Variants in UBXN2B observed in about 807,000 individuals in gnomAD.
The protein encoded by UBXN2B is UBX domain protein 2B, also known as UBX domain-containing protein 2B.
UBXN2B carries 19 observed loss-of-function variants against 37.5 expected under a neutral mutation model. That is an observed-to-expected ratio of 0.51 (90% CI 0.35 to 0.74). UBXN2B has a LOEUF of 0.74. UBXN2B is among the 30% of genes least tolerant of loss of function. UBXN2B has a pLI of 0.01. For missense variants in UBXN2B, 370 were observed against 393.2 expected, an observed-to-expected ratio of 0.94 and a Z score of 0.50; for synonymous variants, 145 against 143.8, an observed-to-expected ratio of 1.01 and a Z score of -0.06.
chr8:58,441,348 C>CATATATGTATATATATATATATAT (rs1808539048), intron 6 of UBXN2B, among the ~76,000 whole-genome samples: 1 of 104,660 alleles, frequency 9.6e-6, no homozygotes, highest in African/African-American at 4.0e-5. Flanking sequence ...TTGTGATCAA[C>CATATATGTATATATATATATATAT]ATATATATAT....
At chr8:58,429,059 A>G (rs1417993675) in intron 2 of UBXN2B, among the ~76,000 whole-genome samples, 3 of 152,228 alleles carry the variant, frequency 2.0e-5, no homozygotes, top group Non-Finnish European at 4.4e-5. Context: ...GATTTCAAAT[A>G]ATAAAAACCG....
At chr8:58,417,795 A>C (rs1165985719) in intron 2 of UBXN2B, among the ~76,000 whole-genome samples, 1 of 152,208 alleles carries the variant, frequency 6.6e-6, no homozygotes, top group Non-Finnish European at 1.5e-5. Context: ...TGTTACATTG[A>C]ACTTGTGCAC....
intron 5 of UBXN2B, among the ~76,000 whole-genome samples, chr8:58,437,221 C>A (rs2129604414): frequency 6.6e-6 from 1 of 151,830 alleles, no homozygotes; most frequent in East Asian, 1.9e-4. Flanking sequence ...TTGTTACACC[C>A]TAGCAAAGGA....
chr8:58,444,076 T>G (rs1808615599), intron 6 of UBXN2B, among the ~76,000 whole-genome samples: 1 of 152,218 alleles, frequency 6.6e-6, no homozygotes, highest in Admixed American at 6.5e-5. Context: ...TTCCCCATCC[T>G]CCATTTTCTG....
chr8:58,417,024 T>C (rs1254566380), intron 2 of UBXN2B, 71 bp downstream of exon 2: 1 of 1,225,740 alleles, frequency 8.2e-7, no homozygotes, highest in African/African-American at 1.5e-5. Flanking sequence ...CTTCAAATTA[T>C]TTTAAATGGC....
At chr8:58,428,584 A>G (rs950928480) in intron 2 of UBXN2B, among the ~76,000 whole-genome samples, 1 of 152,176 alleles carries the variant, frequency 6.6e-6, no homozygotes, top group Non-Finnish European at 1.5e-5. Flanking sequence ...GGCCCAGCTG[A>G]GTACTAATTC....
At chr8:58,424,086 A>G (rs1264018420) in intron 2 of UBXN2B, among the ~76,000 whole-genome samples, 1 of 152,176 alleles carries the variant, frequency 6.6e-6, no homozygotes, top group Non-Finnish European at 1.5e-5. Context: ...AGCCATCAAA[A>G]TGAATTATCC....
chr8:58,418,718 A>C (rs1807848040), intron 2 of UBXN2B, among the ~76,000 whole-genome samples: 1 of 152,240 alleles, frequency 6.6e-6, no homozygotes, highest in African/African-American at 2.4e-5. Context: ...CTTTGTAATC[A>C]GCAGTTTGGT....
At chr8:58,443,463 G>A (rs968193319) in intron 6 of UBXN2B, among the ~76,000 whole-genome samples, 3 of 151,964 alleles carry the variant, frequency 2.0e-5, no homozygotes, top group Admixed American at 2.0e-4. Flanking sequence ...GTTTTAAATA[G>A]CAAACAGATG....
chr8:58,424,637 C>G (rs768246047), intron 2 of UBXN2B: 5 of 1,228,134 alleles, frequency 4.1e-6, no homozygotes, highest in South Asian at 3.6e-5. Context: ...TTCATACACT[C>G]TAGCACTGTC....
At chr8:58,433,403 TTA>T (rs1808333166) in intron 4 of UBXN2B, among the ~76,000 whole-genome samples, 160 bp downstream of exon 4, 1 of 152,192 alleles carries the variant, frequency 6.6e-6, no homozygotes, top group South Asian at 2.1e-4. Flanking sequence ...GTCTCGATCT[TTA>T]TGTTTTGTAT....
chr8:58,447,376 C>T lies in UBXN2B; in HGVS notation c.834-13C>T, dbSNP rs1808705644. 3.2e-6 allele frequency: 5 copies of T among 1,538,684 alleles called. No homozygotes were observed. Among genetic ancestry groups the T allele is most frequent in the African/African-American group, 1.4e-5 (1 of 72,318 alleles). On this transcript the variant is annotated splice_polypyrimidine_tract_variant and intron_variant, in intron 7 of 7. Transcript: ENST00000399598. ...TTTTTATATTACAAATTATTTTTGT[C>T]TTATTTCTTCAGGATCCTGGATGTC...
intron 5 of UBXN2B, chr8:58,434,888 T>A: frequency 6.5e-7 from 1 of 1,535,656 alleles, no homozygotes; most frequent in Non-Finnish European, 8.7e-7. Flanking sequence ...TGCCTGAAAT[T>A]CAGCAACTTA....
At chr8:58,443,938 G>T (rs373443139) in intron 6 of UBXN2B, among the ~76,000 whole-genome samples, 1 of 152,062 alleles carries the variant, frequency 6.6e-6, no homozygotes, top group Admixed American at 6.6e-5. Flanking sequence ...TCTGTGACTC[G>T]GTTTCTTTTA....
intron 2 of UBXN2B, chr8:58,426,556 A>G (rs552887938): frequency 1.3e-5 from 10 of 752,020 alleles, no homozygotes; most frequent in Non-Finnish European, 2.2e-5. Flanking sequence ...CTTCTAACAA[A>G]AAGTGTGAAG....
chr8:58,441,430 A>G (rs1253915771), intron 6 of UBXN2B, among the ~76,000 whole-genome samples: 1 of 146,020 alleles, frequency 6.8e-6, no homozygotes, highest in Non-Finnish European at 1.5e-5. Context: ...TTAATTTTGT[A>G]TCACTTCCCA....
intron 6 of UBXN2B, among the ~76,000 whole-genome samples, chr8:58,445,156 C>A (rs1424249913): frequency 1.3e-5 from 2 of 152,150 alleles, no homozygotes; most frequent in Non-Finnish European, 2.9e-5. Flanking sequence ...TTTTGACATT[C>A]ACTTTTGGCA....
Position 58,439,623 on chromosome 8 carries a change from T to G in UBXN2B, c.534-10T>G. ...ACTTAATGATAACTTTTTTCCCCCC[T>G]TTTTAAAAGAGAGATTCCCCTGGAG... On this transcript the variant is annotated splice_polypyrimidine_tract_variant and intron_variant, in intron 5 of 7. Coordinates refer to ENST00000399598, the MANE Select transcript of UBXN2B (RefSeq NM_001077619.2). 1 of 1,586,812 alleles carries G rather than the reference T, an allele frequency of 6.3e-7. No homozygotes were observed. The highest frequency in any genetic ancestry group is 8.5e-7 in the Non-Finnish European group (1 of 1,172,800).
chr8:58,430,887 A>G (rs968270602), intron 3 of UBXN2B, among the ~76,000 whole-genome samples: 1 of 152,246 alleles, frequency 6.6e-6, no homozygotes, highest in African/African-American at 2.4e-5. Flanking sequence ...ATTACAAAAT[A>G]ATTAGTAGAG....
Sources: gnomAD v4.1 joint callset for allele counts (sites outside exome capture counted in the v4.1 genomes callset) on GRCh38, gnomAD v4.1.1 for gene constraint, MANE v1.5 for transcripts, NCBI Gene and HGNC (gene_info 2026-07-23, HGNC 2026-07-21) for gene names.